The following LRP1B variants were observed in gnomAD, a reference collection of about 807,000 sequenced individuals.
LRP1B encodes low-density lipoprotein receptor-related protein 1B.
A neutral mutation model predicts 556.6 loss-of-function variants in LRP1B; 217 were observed. The ratio of observed to expected loss-of-function variants is 0.39; its 90% CI spans 0.35 to 0.44. LRP1B has a LOEUF of 0.44. LRP1B is among the 20% of genes least tolerant of loss of function. LRP1B has a pLI of 1.00. For missense variants in LRP1B, 5,053 were observed against 5,620.8 expected (o/e 0.90, Z 3.23); for synonymous variants, 2,047 against 1,865.8 (o/e 1.10, Z -2.50).
chr2:140,243,480 A>T (rs1457363194), intron 87 of LRP1B, among the ~76,000 whole-genome samples: 1 of 151,282 alleles, frequency 6.6e-6, no homozygotes, highest in African/African-American at 2.4e-5. Flanking sequence ...TAAGTTATAT[A>T]ATTAAAATGA....
Position 141,498,074 on chromosome 2 carries a change from C to A in LRP1B, c.206-17541G>T, listed in dbSNP as rs1683576770. Among the ~76,000 whole-genome samples the A allele has an allele frequency of 2.0e-5, 3 of 151,882 alleles. No individual in the cohort carries two copies. In the South Asian group the frequency reaches 6.2e-4, roughly 31 times the overall value. On this transcript the variant is annotated intron_variant, in intron 2 of 90. Transcript: ENST00000389484. Reference sequence around the variant, plus strand: ...TTTATAACATTAAAAACTTGAGTATCTCAGGAGCAAATGTACCTATATAAC... The same window carrying A: ...TTTATAACATTAAAAACTTGAGTATATCAGGAGCAAATGTACCTATATAAC...
At chr2:140,309,944 T>G (rs1684227109) in intron 83 of LRP1B, among the ~76,000 whole-genome samples, 1 of 151,778 alleles carries the variant, frequency 6.6e-6, no homozygotes, top group Non-Finnish European at 1.5e-5. Flanking sequence ...TATTACTACA[T>G]AATCCTTGGG....
chr2:141,467,881 C>A (rs1202287010), intron 3 of LRP1B, among the ~76,000 whole-genome samples: 1 of 149,642 alleles, frequency 6.7e-6, no homozygotes, highest in Non-Finnish European at 1.5e-5. Context: ...CACATACTAT[C>A]CCTAGAAGTT....
At chr2:141,203,472 C>G (rs1212467884) in intron 6 of LRP1B, among the ~76,000 whole-genome samples, 1 of 152,184 alleles carries the variant, frequency 6.6e-6, no homozygotes, top group Middle Eastern at 3.4e-3. Context: ...ATCAATGCAG[C>G]AAGAAGAGCT....
At chr2:140,247,855 T>G (rs1413109800) in intron 86 of LRP1B, among the ~76,000 whole-genome samples, 1 of 151,702 alleles carries the variant, frequency 6.6e-6, no homozygotes, top group African/African-American at 2.4e-5. Flanking sequence ...ATTAGCTGGT[T>G]GCATAAAAAT....
intron 71 of LRP1B, among the ~76,000 whole-genome samples, chr2:140,367,413 G>A (rs1041066560): frequency 9.9e-5 from 15 of 151,680 alleles, no homozygotes; most frequent in African/African-American, 3.4e-4. Context: ...ACCAAACTAA[G>A]AAACAGACAA....
intron 1 of LRP1B, among the ~76,000 whole-genome samples, chr2:142,080,524 T>TA (rs557528091): frequency 3.0e-4 from 44 of 146,828 alleles, no homozygotes; most frequent in Middle Eastern, 3.5e-3. Flanking sequence ...GTTGAGTTTG[T>TA]AAAAAAAATA....
rs139142257 is a variant in LRP1B, at chr2:141,522,229, C to T, written c.206-41696G>A. Among the ~76,000 whole-genome samples, 685 of 152,246 alleles carry T rather than the reference C, an allele frequency of 4.5e-3. 3 individuals carry two copies. Among genetic ancestry groups the T allele is most frequent in the African/African-American group, 0.016 (647 of 41,580 alleles). On this transcript the variant is annotated intron_variant, in intron 2 of 90. Transcript: ENST00000389484. Reference sequence around the variant, plus strand: ...TTTTAACATGACCTCTTGTTTTGCACACTCAAGTCTGAGAACCATGTTCTG... The same window carrying T: ...TTTTAACATGACCTCTTGTTTTGCATACTCAAGTCTGAGAACCATGTTCTG...
chr2:140,508,668 C>T (rs1393693885), intron 52 of LRP1B, among the ~76,000 whole-genome samples: 3 of 152,146 alleles, frequency 2.0e-5, no homozygotes, highest in African/African-American at 7.2e-5. Flanking sequence ...AGGTGAATTA[C>T]ACCAATTCCG....
At chr2:140,720,100 C>A (rs1231063078) in intron 35 of LRP1B, among the ~76,000 whole-genome samples, 1 of 151,942 alleles carries the variant, frequency 6.6e-6, no homozygotes, top group African/African-American at 2.4e-5. Flanking sequence ...ATTTTCAGAA[C>A]CATGTCCTGA....
chr2:140,932,403 G>A (rs1695076012), intron 20 of LRP1B, among the ~76,000 whole-genome samples: 1 of 152,224 alleles, frequency 6.6e-6, no homozygotes, highest in African/African-American at 2.4e-5. Context: ...CTCATTTGTT[G>A]ACATATTGTC....
intron 2 of LRP1B, among the ~76,000 whole-genome samples, chr2:141,606,006 T>C (rs1393932748): frequency 2.0e-5 from 3 of 152,114 alleles, no homozygotes; most frequent in Admixed American, 1.3e-4. Flanking sequence ...TATTACTTAA[T>C]CGAAAGTCTA....
intron 51 of LRP1B, 88 bp downstream of exon 51, chr2:140,514,565 T>C (rs1200318111): frequency 3.9e-6 from 5 of 1,282,280 alleles, no homozygotes; most frequent in East Asian, 5.0e-5. Flanking sequence ...TTAATTTTAA[T>C]AAATTAGCAA....
chr2:140,744,438 A>C (rs1438661555), intron 35 of LRP1B, among the ~76,000 whole-genome samples: 2 of 152,206 alleles, frequency 1.3e-5, no homozygotes, highest in Non-Finnish European at 2.9e-5. Flanking sequence ...TTAAGATTGT[A>C]TTCTTGCTTC....
intron 2 of LRP1B, among the ~76,000 whole-genome samples, chr2:141,488,127 A>G (rs1047086994): frequency 1.3e-5 from 2 of 152,140 alleles, no homozygotes; most frequent in Non-Finnish European, 2.9e-5. Context: ...TATGAAATGT[A>G]TCATATATGC....
intron 1 of LRP1B, among the ~76,000 whole-genome samples, chr2:141,928,596 G>A (rs1286544462): frequency 6.6e-6 from 1 of 152,048 alleles, no homozygotes; most frequent in Non-Finnish European, 1.5e-5. Flanking sequence ...AAACATATTG[G>A]TATCTGATGG....
intron 35 of LRP1B, among the ~76,000 whole-genome samples, chr2:140,748,092 A>AT (rs1688379097): frequency 8.6e-4 from 6 of 6,950 alleles, no homozygotes; most frequent in African/African-American, 3.2e-3. Flanking sequence ...AAGTCCTATG[A>AT]ATATATATAT....
At chr2:140,283,023 A>G (rs970561359) in intron 84 of LRP1B, among the ~76,000 whole-genome samples, 1 of 151,788 alleles carries the variant, frequency 6.6e-6, no homozygotes, top group Non-Finnish European at 1.5e-5. Context: ...TTTTCTGGAA[A>G]AGTTTTATAA....
chr2:142,122,632 T>C (rs771402040), intron 1 of LRP1B, among the ~76,000 whole-genome samples: 16 of 152,036 alleles, frequency 1.1e-4, no homozygotes, highest in Non-Finnish European at 1.9e-4. Context: ...TCTACAAATC[T>C]GATGTAGTTA....
Sources: allele counts gnomAD v4.1 joint callset (sites outside exome capture counted in the v4.1 genomes callset), GRCh38; gene constraint gnomAD v4.1.1; transcripts MANE v1.5; gene names NCBI Gene and HGNC (gene_info 2026-07-23, HGNC 2026-07-21).